PIK3CD: variants seen among roughly 807,000 people sequenced by gnomAD.
The protein encoded by PIK3CD is phosphatidylinositol 4,5-bisphosphate 3-kinase catalytic subunit delta isoform.
Under a neutral mutation model 122.9 loss-of-function variants are expected in PIK3CD, and 20 were observed. The observed-to-expected ratio is 0.16, with a 90% confidence interval of 0.11 to 0.24. PIK3CD has a LOEUF of 0.24. Among genes scored for constraint, PIK3CD ranks in the 10% least tolerant of loss-of-function variants. The pLI is 1.00. For missense variants in PIK3CD, 787 were observed against 1,406.3 expected (o/e 0.56, Z 7.04); for synonymous variants, 596 against 593.4 (o/e 1.00, Z -0.06).
chr1:9,714,628 G>T (rs1024719503), intron 3 of PIK3CD, among the ~76,000 whole-genome samples: 1 of 152,124 alleles, frequency 6.6e-6, no homozygotes, highest in African/African-American at 2.4e-5. Context: ...CTGCTTGACA[G>T]TCCCTAGACT....
the PIK3CD span, among the ~76,000 whole-genome samples, chr1:9,639,369 G>C: frequency 6.6e-6 from 1 of 151,960 alleles, no homozygotes; most frequent in Non-Finnish European, 1.5e-5. Flanking sequence ...GTGGTGGATG[G>C]GGCAGGGCCC....
Position 9,721,833 on chromosome 1 carries a change from C to T in PIK3CD, c.2028C>T (p.Thr676=). ...LILEAYCRGS[T]HHMKVLMKQG... is the part of the protein sequence containing the mutation. ...TGGAGGCCTACTGCAGGGGCAGCAC[C>T]CACCACATGAAGGTGCTGATGAAGC... Residue 676 remains threonine (T), a synonymous_variant, in exon 16 of 24, where the codon ACC becomes ACT. Coordinates refer to ENST00000377346, the MANE Select transcript of PIK3CD (RefSeq NM_005026.5). 1 of 1,613,172 alleles carries T rather than the reference C, an allele frequency of 6.2e-7. No homozygotes were observed. Among genetic ancestry groups the T allele is most frequent in the Non-Finnish European group, 8.5e-7 (1 of 1,179,942 alleles).
At chr1:9,633,967 G>T in the PIK3CD span, among the ~76,000 whole-genome samples, 1 of 151,692 alleles carries the variant, frequency 6.6e-6, no homozygotes. Context: ...TAGGCTCACA[G>T]ACTTTTCCTT....
At position 9,700,586 on chromosome 1, in the gene PIK3CD, G is replaced by T. The variant is rs1215611407; in HGVS notation, c.-33+9015G>T. ...TGGTCACCGTCCATCACTGGGTGAC[G>T]CGACCCCAGCTCCCCGCTCTGTGTC... On this transcript the variant is annotated intron_variant, in intron 2 of 23. Coordinates refer to ENST00000377346, the MANE Select transcript of PIK3CD (RefSeq NM_005026.5). The surrounding 1 kb of genome is among the most constrained non-coding windows in gnomAD (Gnocchi z 5.1). Among the ~76,000 whole-genome samples, 1 of 152,084 alleles carries T rather than the reference G, an allele frequency of 6.6e-6. No homozygotes were observed. Among genetic ancestry groups the T allele is most frequent in the Non-Finnish European group, 1.5e-5 (1 of 68,014 alleles).
chr1:9,716,610 C>T lies in PIK3CD; in HGVS notation c.771C>T (p.Cys257=). 1 of 1,558,884 alleles carries T rather than the reference C, an allele frequency of 6.4e-7. No individual in the cohort carries two copies. The highest frequency in any genetic ancestry group is 8.7e-7 in the Non-Finnish European group (1 of 1,152,910). The change falls in exon 6 of 24, where the codon TGC becomes TGT. Residue 257 remains cysteine, a synonymous_variant. Transcript: ENST00000377346. ...ACCTGTATGGCAGCTACCCGCTCTG[C>T]CAGTTCCAGGTGAGGCCGCTGAGGC... ...HEYLYGSYPL[C]QFQYICSCLH... is the part of the protein sequence containing the mutation.
intron 2 of PIK3CD, among the ~76,000 whole-genome samples, chr1:9,707,276 A>C (rs72871207): frequency 2.6e-5 from 4 of 151,350 alleles, no homozygotes; most frequent in African/African-American, 9.7e-5. Flanking sequence ...AAAAGTAGAA[A>C]CCAGCCTTCA....
chr1:9,681,540 G>A (rs779926355), intron 1 of PIK3CD, among the ~76,000 whole-genome samples: 2 of 152,116 alleles, frequency 1.3e-5, no homozygotes, highest in South Asian at 2.1e-4. Context: ...TCAGCCTCCC[G>A]AGTAGCTGGG....
chr1:9,705,817 A>C (rs1484436689), intron 2 of PIK3CD, among the ~76,000 whole-genome samples: 1 of 152,192 alleles, frequency 6.6e-6, no homozygotes, highest in African/African-American at 2.4e-5. Flanking sequence ...TGACAATACC[A>C]AGTGTTGACC....
chr1:9,662,781 C>T (rs965445843), intron 1 of PIK3CD, among the ~76,000 whole-genome samples: 3 of 152,076 alleles, frequency 2.0e-5, no homozygotes, highest in Non-Finnish European at 2.9e-5. Context: ...CTCTACCTCC[C>T]GCGTCCTAGC....
At chr1:9,678,348 C>T (rs1295878593) in intron 1 of PIK3CD, among the ~76,000 whole-genome samples, 3 of 151,428 alleles carry the variant, frequency 2.0e-5, no homozygotes, top group Non-Finnish European at 2.9e-5. Flanking sequence ...CCCAGCTGCT[C>T]GAGAGGCTGA....
intron 2 of PIK3CD, among the ~76,000 whole-genome samples, chr1:9,699,647 A>C (rs1646553722): frequency 6.6e-6 from 1 of 151,828 alleles, no homozygotes; most frequent in Non-Finnish European, 1.5e-5. Context: ...TCCAGGCCGA[A>C]GTGCAATGGT....
intron 3 of PIK3CD, among the ~76,000 whole-genome samples, chr1:9,714,504 T>C (rs1040367552): frequency 6.6e-6 from 1 of 152,132 alleles, no homozygotes; most frequent in African/African-American, 2.4e-5. Context: ...TTAGGGGTTT[T>C]TTTGTTTGTT....
chr1:9,638,135 T>TAAATAAATAAAC, the PIK3CD span, among the ~76,000 whole-genome samples: 2 of 151,210 alleles, frequency 1.3e-5, no homozygotes, highest in Admixed American at 1.3e-4. Flanking sequence ...AATAAATAAA[T>TAAATAAATAAAC]GAAAAAATAA....
At chr1:9,696,057 G>A (rs1570273856) in intron 2 of PIK3CD, among the ~76,000 whole-genome samples, 3 of 149,788 alleles carry the variant, frequency 2.0e-5, no homozygotes, top group South Asian at 4.2e-4. Context: ...CTGCAGCCTC[G>A]ACCTCCTAGG....
rs1423563078 is a variant in PIK3CD at position 9,723,082 on chromosome 1, C to G, written c.2427-43C>G. On this transcript the variant is annotated intron_variant, in intron 19 of 23. Transcript: ENST00000377346. The surrounding 1 kb of genome is among the most constrained non-coding windows in gnomAD (Gnocchi z 4.9). ...GGGCTCAAGTGGCCTCAGGGACAGC[C>G]CTTGACCATGCCATTTGCCCGTCCC... The G allele has an allele frequency of 6.2e-7, 1 of 1,603,184 alleles. No individual in the cohort carries two copies. Among genetic ancestry groups the G allele is most frequent in the Non-Finnish European group, 8.5e-7 (1 of 1,171,294 alleles).
the PIK3CD span, among the ~76,000 whole-genome samples, chr1:9,645,912 ATTTTTTATTTTTTAT>A: frequency 6.6e-6 from 1 of 151,336 alleles, no homozygotes; most frequent in East Asian, 1.9e-4. Context: ...CCGTATTTTT[ATTTTTTATTTTTTAT>A]TTTTTTATTT....
chr1:9,670,183 T>C (rs536062869), intron 1 of PIK3CD, among the ~76,000 whole-genome samples: 83 of 151,120 alleles, frequency 5.5e-4, no homozygotes, highest in South Asian at 5.0e-3. Context: ...GTTCCTCATA[T>C]TCAGAGCCAA....
chr1:9,717,448 GCCC>G lies in PIK3CD; in HGVS notation c.931-86_931-84del. The G allele has an allele frequency of 1.6e-6, 2 of 1,274,820 alleles. No homozygotes were observed. The highest frequency in any genetic ancestry group is 2.3e-6 in the Non-Finnish European group (2 of 873,554). The allele number at this position is 1,274,820 out of a possible 1,614,324, so 79.0% of individuals were successfully genotyped here. On this transcript the variant is annotated intron_variant, in intron 7 of 23. Coordinates refer to ENST00000377346, the MANE Select transcript of PIK3CD (RefSeq NM_005026.5). The surrounding 1 kb of genome is among the most constrained non-coding windows in gnomAD (Gnocchi z 5.4). ...CCGCAAACCTGTGACCCTCTCACCCGCCCCCAAGTGGTCACGGGCCTCACCATA... is the reference window on the plus strand; with the variant it reads ...CCGCAAACCTGTGACCCTCTCACCCGCCAAGTGGTCACGGGCCTCACCATA...
the PIK3CD span, among the ~76,000 whole-genome samples, chr1:9,629,825 C>T: frequency 1.4e-4 from 22 of 152,212 alleles, no homozygotes; most frequent in African/African-American, 4.8e-4. Flanking sequence ...CGTAAGGCTG[C>T]GGTGCACGGG....
Sources: allele counts gnomAD v4.1 joint callset (sites outside exome capture counted in the v4.1 genomes callset), GRCh38; gene constraint gnomAD v4.1.1; non-coding constraint Gnocchi (gnomAD v3.1); transcripts MANE v1.5; gene names NCBI Gene and HGNC (gene_info 2026-07-23, HGNC 2026-07-21).